Variants in CADM2 observed in about 807,000 individuals in gnomAD.
CADM2 encodes the protein immunoglobulin superfamily member 4D.
A neutral mutation model predicts 49.8 loss-of-function variants in CADM2; 12 were observed. The observed-to-expected ratio is 0.24, with a 90% confidence interval of 0.15 to 0.39. The LOEUF (loss-of-function observed/expected upper bound fraction) is 0.39, where lower values mean the gene tolerates loss of function less well. Ranked by LOEUF, CADM2 falls within the 10% of genes least tolerant of loss-of-function variation. CADM2 has a pLI of 1.00. For synonymous variants in CADM2, 214 were observed against 175.4 expected (o/e 1.22, Z -1.74); for missense variants, 378 against 492.3 (o/e 0.77, Z 2.20).
chr3:85,944,128 T>A (rs559248961), intron 7 of CADM2, among the ~76,000 whole-genome samples: 1 of 152,098 alleles, frequency 6.6e-6, no homozygotes, highest in East Asian at 1.9e-4. Flanking sequence ...AATCTTAGTC[T>A]CTGATAAAAC....
rs1361872215 is a variant in CADM2, at chr3:86,071,997, A to T, written c.*5214A>T. 9.5e-6 allele frequency: 1 copy of T among 105,006 alleles called. No homozygotes were observed. Among genetic ancestry groups the T allele is most frequent in the Non-Finnish European group, 1.8e-5 (1 of 56,356 alleles). The allele number at this position is 105,006 out of a possible 1,614,324, so 6.5% of individuals were successfully genotyped here. A position where few individuals can be genotyped will look rare whatever the true frequency, so the allele number is the denominator to read the frequency against. On this transcript the variant is annotated 3_prime_UTR_variant, in exon 10 of 10. Transcript: ENST00000383699. ...AAGTAGTATTATCTGCACGAGACAA[A>T]TTTAAGTATTTTAAAAATCATCCTT... is the stretch of plus-strand genomic sequence containing the variant.
chr3:85,213,511 C>A (rs1163818500), intron 1 of CADM2, among the ~76,000 whole-genome samples: 1 of 152,012 alleles, frequency 6.6e-6, no homozygotes, highest in Non-Finnish European at 1.5e-5. Context: ...CATCCTTGAC[C>A]TTTGAGAGTT....
chr3:86,020,052 G>T (rs977139288), intron 8 of CADM2, among the ~76,000 whole-genome samples: 3 of 152,068 alleles, frequency 2.0e-5, no homozygotes, highest in African/African-American at 7.2e-5. Flanking sequence ...CCAGGAGCTG[G>T]TTTTTTGAAA....
At chr3:85,022,434 A>C (rs41425244) in intron 1 of CADM2, among the ~76,000 whole-genome samples, 3,655 of 152,212 alleles carry the variant, frequency 0.024, 145 homozygotes, top group African/African-American at 0.083. Context: ...TCTTTATTCA[A>C]ATGCAATGGC....
In CADM2 at chr3:86,014,886, C is replaced by A. The variant is rs1732014927; in HGVS notation, c.971-50719C>A. 2.6e-6 allele frequency: 4 copies of A among 1,544,000 alleles called. No homozygotes were observed. The African/African-American group carries it at 5.5e-5, about 21-fold the overall frequency. ...TAATGTGTATGCATTGATGAAGGTCCTGTGTATTCTTCCTGTGATGACGGT... is the reference window on the plus strand; with the variant it reads ...TAATGTGTATGCATTGATGAAGGTCATGTGTATTCTTCCTGTGATGACGGT... On this transcript the variant is annotated intron_variant, in intron 8 of 9. Transcript: ENST00000383699.
intron 1 of CADM2, among the ~76,000 whole-genome samples, chr3:85,697,530 G>T (rs988590311): frequency 1.3e-5 from 2 of 151,964 alleles, no homozygotes; most frequent in African/African-American, 4.8e-5. Flanking sequence ...AATGAATAAA[G>T]GTAAAGAAAA....
chr3:85,747,359 A>T (rs557687086), intron 2 of CADM2, among the ~76,000 whole-genome samples: 3 of 152,240 alleles, frequency 2.0e-5, no homozygotes, highest in Admixed American at 6.5e-5. Context: ...TTAAACACAG[A>T]TCTTCATATT....
chr3:85,507,624 A>T (rs959779845), intron 1 of CADM2, among the ~76,000 whole-genome samples: 1 of 152,208 alleles, frequency 6.6e-6, no homozygotes, highest in Non-Finnish European at 1.5e-5. Context: ...TCTTCAAGGA[A>T]TATAATCTTA....
chr3:85,892,805 C>G (rs1027939214), intron 5 of CADM2, among the ~76,000 whole-genome samples: 1 of 152,046 alleles, frequency 6.6e-6, no homozygotes, highest in Non-Finnish European at 1.5e-5. Flanking sequence ...GGGTAACAGG[C>G]AGAAAGATAG....
intron 1 of CADM2, among the ~76,000 whole-genome samples, chr3:85,595,780 TTAAAA>T (rs1351238074): frequency 2.6e-5 from 4 of 152,154 alleles, no homozygotes; most frequent in Admixed American, 2.6e-4. Flanking sequence ...TTATTTATTC[TTAAAA>T]TAAAAACATT....
chr3:86,057,009 A>G (rs1738075753), intron 8 of CADM2, among the ~76,000 whole-genome samples: 1 of 152,148 alleles, frequency 6.6e-6, no homozygotes, highest in African/African-American at 2.4e-5. Context: ...GTTTCTACAC[A>G]TATTACGTAT....
rs141314473 is a variant in CADM2, at chr3:85,555,636, C to T, written c.62-170886C>T. The stretch of plus-strand genomic sequence containing the variant: ...TTTTGAATTTTTGTTCAATATATTT[C>T]CTAGAAAAAATAATAGTAAATTATA... On this transcript the variant is annotated intron_variant, in intron 1 of 9. Coordinates refer to ENST00000383699, the MANE Select transcript of CADM2 (RefSeq NM_001167675.2). Among the ~76,000 whole-genome samples the T allele has an allele frequency of 1.3e-3, 201 of 151,884 alleles. 7 individuals are homozygous for T. In the East Asian group the frequency reaches 0.035, roughly 27 times the overall value.
intron 8 of CADM2, among the ~76,000 whole-genome samples, chr3:86,030,058 A>G (rs1371462467): frequency 6.6e-6 from 1 of 152,026 alleles, no homozygotes; most frequent in Non-Finnish European, 1.5e-5. Flanking sequence ...GGGGATCTTT[A>G]AAAAAGAAGG....
At chr3:85,015,453 A>G (rs1377957673) in intron 1 of CADM2, among the ~76,000 whole-genome samples, 1 of 152,190 alleles carries the variant, frequency 6.6e-6, no homozygotes, top group Non-Finnish European at 1.5e-5. Context: ...TCCCCTATGT[A>G]TTAGGACAGT....
chr3:85,548,454 A>G (rs1320501464), intron 1 of CADM2, among the ~76,000 whole-genome samples: 1 of 151,932 alleles, frequency 6.6e-6, no homozygotes, highest in Non-Finnish European at 1.5e-5. Flanking sequence ...TTGCAGTAGT[A>G]AGAGCTCGAC....
At chr3:86,065,550 T>C in intron 8 of CADM2, 55 bp from the exon 9 acceptor site, 1 of 1,552,418 alleles carries the variant, frequency 6.4e-7, no homozygotes, top group Non-Finnish European at 8.7e-7. Context: ...TGCAGTTATG[T>C]ATTCTGTGAC....
At chr3:85,305,538 A>G (rs573451065) in intron 1 of CADM2, among the ~76,000 whole-genome samples, 1 of 151,740 alleles carries the variant, frequency 6.6e-6, no homozygotes, top group African/African-American at 2.4e-5. Flanking sequence ...ATTATAATGG[A>G]AATAGTAAAT....
At chr3:85,672,987 T>C (rs2065785979) in intron 1 of CADM2, among the ~76,000 whole-genome samples, 1 of 152,216 alleles carries the variant, frequency 6.6e-6, no homozygotes, top group Non-Finnish European at 1.5e-5. Flanking sequence ...AGAAGAGCTG[T>C]GTTAATGCAA....
intron 1 of CADM2, among the ~76,000 whole-genome samples, chr3:85,598,856 TA>T (rs1164869909): frequency 4.0e-3 from 111 of 27,756 alleles, no homozygotes; most frequent in African/African-American, 6.6e-3. Flanking sequence ...TGTGTGTGTG[TA>T]TATATATATA....
Sources: allele counts gnomAD v4.1 joint callset (sites outside exome capture counted in the v4.1 genomes callset), GRCh38; gene constraint gnomAD v4.1.1; transcripts MANE v1.5; gene names NCBI Gene and HGNC (gene_info 2026-07-23, HGNC 2026-07-21).